The following ACOXL variants were observed in gnomAD, a reference collection of about 807,000 sequenced individuals.
ACOXL encodes acyl-CoA oxidase like, also known as acyl-coenzyme A oxidase-like protein.
Under a neutral mutation model 71.9 loss-of-function variants are expected in ACOXL, and 70 were observed. The ratio of observed to expected loss-of-function variants is 0.97; its 90% CI spans 0.80 to 1.19. The LOEUF is 1.19. ACOXL is among the 50% of genes most tolerant of loss of function. ACOXL has a pLI of 0.00. For synonymous variants in ACOXL, 253 were observed against 281.6 expected, an observed-to-expected ratio of 0.90 and a Z score of 1.02; for missense variants, 703 against 736.3, an observed-to-expected ratio of 0.95 and a Z score of 0.52.
At chr2:110,757,927 T>G (rs1400027797) in intron 1 of ACOXL, among the ~76,000 whole-genome samples, 1 of 152,228 alleles carries the variant, frequency 6.6e-6, no homozygotes, top group Non-Finnish European at 1.5e-5. Context: ...TTGCTTTTGT[T>G]GCAGTCATTT....
chr2:111,113,587 G>A (rs2070141634), intron 17 of ACOXL, among the ~76,000 whole-genome samples: 1 of 152,212 alleles, frequency 6.6e-6, no homozygotes, highest in South Asian at 2.1e-4. Flanking sequence ...GCACAGCAGA[G>A]ATGGATCCTT....
intron 16 of ACOXL, among the ~76,000 whole-genome samples, chr2:111,053,831 C>A (rs187415609): frequency 2.7e-4 from 41 of 152,362 alleles, no homozygotes; most frequent in South Asian, 6.2e-4. Flanking sequence ...CCATCGCCTG[C>A]AGAGCCTCCC....
chr2:110,778,420 A>G (rs1400558229), intron 2 of ACOXL, among the ~76,000 whole-genome samples: 1 of 152,256 alleles, frequency 6.6e-6, no homozygotes, highest in Non-Finnish European at 1.5e-5. Context: ...GGTCTTTGAA[A>G]TGTATCATAT....
At chr2:110,972,375 C>T (rs1189856414) in intron 12 of ACOXL, among the ~76,000 whole-genome samples, 3 of 152,096 alleles carry the variant, frequency 2.0e-5, no homozygotes, top group Non-Finnish European at 1.5e-5. Context: ...TTGTTTTGAC[C>T]AATTTGCTAG....
intron 16 of ACOXL, among the ~76,000 whole-genome samples, chr2:111,085,537 A>G (rs2068162309): frequency 6.6e-6 from 1 of 152,232 alleles, no homozygotes; most frequent in South Asian, 2.1e-4. Context: ...TAATGAGAAC[A>G]GAGATACAAT....
intron 14 of ACOXL, among the ~76,000 whole-genome samples, chr2:111,004,925 C>T (rs1176408218): frequency 1.3e-5 from 2 of 152,146 alleles, no homozygotes; most frequent in African/African-American, 4.8e-5. Flanking sequence ...ACAACAATCT[C>T]ATGGCACAGA....
intron 12 of ACOXL, among the ~76,000 whole-genome samples, chr2:110,955,429 CCTCTCTCTCT>C (rs71383893): frequency 7.1e-6 from 1 of 140,928 alleles, no homozygotes; most frequent in African/African-American, 2.7e-5. Flanking sequence ...AGTCCACCTC[CCTCTCTCTCT>C]CTCTCTCTCT....
intron 1 of ACOXL, among the ~76,000 whole-genome samples, chr2:110,755,449 G>T (rs1255981653): frequency 6.6e-6 from 1 of 152,170 alleles, no homozygotes; most frequent in Non-Finnish European, 1.5e-5. Flanking sequence ...TGTTAAATGT[G>T]GCGGTTTATA....
intron 16 of ACOXL, among the ~76,000 whole-genome samples, chr2:111,049,551 T>C (rs766380171): frequency 8.5e-5 from 13 of 152,190 alleles, no homozygotes; most frequent in Non-Finnish European, 1.9e-4. Flanking sequence ...CAGTTGGTTC[T>C]ATTTAAACTT....
intron 12 of ACOXL, among the ~76,000 whole-genome samples, chr2:110,956,237 T>G (rs2061496902): frequency 6.6e-6 from 1 of 152,132 alleles, no homozygotes; most frequent in Non-Finnish European, 1.5e-5. Context: ...CTATTTTATT[T>G]GTCCACCTGG....
intron 11 of ACOXL, among the ~76,000 whole-genome samples, chr2:110,910,602 G>C (rs2059618087): frequency 6.6e-6 from 1 of 152,092 alleles, no homozygotes; most frequent in Non-Finnish European, 1.5e-5. Flanking sequence ...TCTTCATCCT[G>C]ACCAACATTT....
intron 2 of ACOXL, among the ~76,000 whole-genome samples, chr2:110,782,023 T>C (rs555188265): frequency 6.6e-6 from 1 of 152,354 alleles, no homozygotes; most frequent in South Asian, 2.1e-4. Context: ...TAAGTATTCA[T>C]GTGAATAGCA....
intron 13 of ACOXL, among the ~76,000 whole-genome samples, chr2:110,992,306 T>C (rs2149576296): frequency 6.6e-6 from 1 of 152,368 alleles, no homozygotes; most frequent in African/African-American, 2.4e-5. Context: ...AAACTTTACT[T>C]ACTCTGACTT....
intron 17 of ACOXL, among the ~76,000 whole-genome samples, chr2:111,095,647 T>C (rs2068764281): frequency 6.6e-6 from 1 of 152,184 alleles, no homozygotes; most frequent in Non-Finnish European, 1.5e-5. Context: ...AGCCTTGGCC[T>C]CCCAAAGTGC....
At chr2:111,069,145 CTTT>C (rs1234410019) in intron 16 of ACOXL, among the ~76,000 whole-genome samples, 1 of 135,296 alleles carries the variant, frequency 7.4e-6, no homozygotes. Flanking sequence ...TCTTCTTTTT[CTTT>C]TTTTTTTTTT....
intron 11 of ACOXL, among the ~76,000 whole-genome samples, chr2:110,927,229 A>T (rs748023457): frequency 7.2e-5 from 11 of 152,178 alleles, no homozygotes; most frequent in Non-Finnish European, 1.6e-4. Context: ...GCAAGGGGGA[A>T]GTCCACCCCC....
At chr2:110,999,376 G>A (rs2063525916) in intron 14 of ACOXL, among the ~76,000 whole-genome samples, 1 of 152,072 alleles carries the variant, frequency 6.6e-6, no homozygotes, top group African/African-American at 2.4e-5. Context: ...CTAGGAGTTG[G>A]GACATCAATG....
intron 15 of ACOXL, among the ~76,000 whole-genome samples, chr2:111,037,389 G>C (rs1408185407): frequency 1.3e-5 from 2 of 152,172 alleles, no homozygotes; most frequent in African/African-American, 4.8e-5. Context: ...TGAAGACTCT[G>C]TTGCCCTGGG....
At chr2:110,882,165 A>G (rs929367007) in intron 10 of ACOXL, among the ~76,000 whole-genome samples, 7 of 152,126 alleles carry the variant, frequency 4.6e-5, no homozygotes, top group Admixed American at 1.3e-4. Context: ...AGTGATTCCA[A>G]TAGTGTGTAG....
Sources: allele counts gnomAD v4.1 joint callset (sites outside exome capture counted in the v4.1 genomes callset), GRCh38; gene constraint gnomAD v4.1.1; transcripts MANE v1.5; gene names NCBI Gene and HGNC (gene_info 2026-07-23, HGNC 2026-07-21).